Variants in SPSB4 observed in about 807,000 individuals in gnomAD.
SPSB4 encodes the protein SPRY domain-containing SOCS box protein 4.
In SPSB4, 21 loss-of-function variants were observed where a neutral mutation model predicts 20.9. The ratio of observed to expected loss-of-function variants is 1.01; its 90% CI spans 0.71 to 1.45. The LOEUF (loss-of-function observed/expected upper bound fraction) is 1.45, where lower values mean the gene tolerates loss of function less well. SPSB4 is among the 40% of genes most tolerant of loss of function. The pLI is 0.00. For missense variants in SPSB4, 399 were observed against 399.2 expected (o/e 1.00, Z 0.00); for synonymous variants, 207 against 183.8 (o/e 1.13, Z -1.02).
intron 2 of SPSB4, among the ~76,000 whole-genome samples, chr3:141,146,666 A>T (rs1007197047): frequency 2.0e-5 from 3 of 151,394 alleles, no homozygotes; most frequent in Non-Finnish European, 4.4e-5. Flanking sequence ...CCCAGCTACT[A>T]GGGAGGCTGA....
intron 2 of SPSB4, among the ~76,000 whole-genome samples, chr3:141,072,996 G>A (rs147579257): frequency 7.2e-5 from 11 of 152,224 alleles, no homozygotes; most frequent in African/African-American, 2.4e-4. Context: ...CTTAGCAGTC[G>A]CATGGGTCCA....
intron 2 of SPSB4, among the ~76,000 whole-genome samples, chr3:141,104,921 C>G (rs960661318): frequency 6.6e-6 from 1 of 152,132 alleles, no homozygotes; most frequent in Non-Finnish European, 1.5e-5. Flanking sequence ...GCCTGTCAGC[C>G]TGAGGGGTAG....
chr3:141,146,792 AC>A (rs1272502397), intron 2 of SPSB4, among the ~76,000 whole-genome samples: 4 of 151,294 alleles, frequency 2.6e-5, no homozygotes, highest in Non-Finnish European at 5.9e-5. Flanking sequence ...AAAAAAAGAC[AC>A]GCTGAACACC....
Position 141,066,097 on chromosome 3 carries a change from A to G in SPSB4, c.-8A>G. 1 of 1,513,584 alleles carries G rather than the reference A, an allele frequency of 6.6e-7. No homozygotes were observed. Among genetic ancestry groups the G allele is most frequent in the African/African-American group, 1.4e-5 (1 of 69,358 alleles). 93.8% of individuals were successfully genotyped at this position (1,513,584 alleles called of 1,614,324 possible). On this transcript the variant is annotated 5_prime_UTR_variant, in exon 2 of 3. Coordinates refer to ENST00000310546, the MANE Select transcript of SPSB4 (RefSeq NM_080862.3). Reference sequence around the variant, plus strand: ...TGGCCTGCAGCGGCCTCCTCCCCGCAGTGAAGCATGGGCCAGAAGCTCTCG... The same window carrying G: ...TGGCCTGCAGCGGCCTCCTCCCCGCGGTGAAGCATGGGCCAGAAGCTCTCG...
intron 2 of SPSB4, among the ~76,000 whole-genome samples, chr3:141,103,365 G>C (rs1938642080): frequency 6.6e-6 from 1 of 152,272 alleles, no homozygotes; most frequent in Admixed American, 6.5e-5. Context: ...CCACGACAGG[G>C]AGCAAAGAGC....
intron 2 of SPSB4, among the ~76,000 whole-genome samples, chr3:141,076,382 G>A (rs1316760374): frequency 1.3e-5 from 2 of 152,212 alleles, no homozygotes; most frequent in Non-Finnish European, 2.9e-5. Flanking sequence ...CAGTGTACAC[G>A]AGTAAATCCA....
At chr3:141,095,588 G>A (rs78964256) in intron 2 of SPSB4, among the ~76,000 whole-genome samples, 2 of 152,156 alleles carry the variant, frequency 1.3e-5, no homozygotes, top group Admixed American at 6.5e-5. Context: ...TTTTCTCTGT[G>A]AGAAGGATGG....
chr3:141,116,594 G>A (rs903899502), intron 2 of SPSB4, among the ~76,000 whole-genome samples: 1 of 152,190 alleles, frequency 6.6e-6, no homozygotes, highest in Non-Finnish European at 1.5e-5. Context: ...GTGACCTTGA[G>A]CAAGTGCCTA....
chr3:141,061,232 G>T (rs1937753802), intron 1 of SPSB4, among the ~76,000 whole-genome samples: 1 of 151,746 alleles, frequency 6.6e-6, no homozygotes, highest in Non-Finnish European at 1.5e-5. Flanking sequence ...CTAAATAAAG[G>T]CCCATTATAC....
intron 2 of SPSB4, among the ~76,000 whole-genome samples, chr3:141,143,401 C>A (rs991054774): frequency 1.3e-5 from 2 of 152,214 alleles, no homozygotes; most frequent in African/African-American, 4.8e-5. Flanking sequence ...TGGGTCTAAC[C>A]ATGCAGTGGG....
At chr3:141,054,882 A>G (rs1937610689) in intron 1 of SPSB4, among the ~76,000 whole-genome samples, 2 of 151,998 alleles carry the variant, frequency 1.3e-5, no homozygotes, top group South Asian at 2.1e-4. Flanking sequence ...GGAGAATGGC[A>G]TGAACCTGGG....
At chr3:141,106,332 C>A (rs561924433) in intron 2 of SPSB4, among the ~76,000 whole-genome samples, 1 of 152,136 alleles carries the variant, frequency 6.6e-6, no homozygotes, top group Non-Finnish European at 1.5e-5. Flanking sequence ...ATGAAGGCAG[C>A]ACCTCCTCCT....
intron 2 of SPSB4, among the ~76,000 whole-genome samples, chr3:141,139,150 A>T (rs1475350521): frequency 6.6e-6 from 1 of 152,076 alleles, no homozygotes; most frequent in Admixed American, 6.5e-5. Flanking sequence ...AGAGACTAGG[A>T]TTGCAACCCC....
intron 2 of SPSB4, among the ~76,000 whole-genome samples, chr3:141,076,266 T>A (rs1938108215): frequency 6.6e-6 from 1 of 152,220 alleles, no homozygotes; most frequent in Non-Finnish European, 1.5e-5. Flanking sequence ...AAGGCAGCTA[T>A]GCCTTCTGCA....
chr3:141,126,104 T>C (rs1939046724), intron 2 of SPSB4, among the ~76,000 whole-genome samples: 1 of 151,976 alleles, frequency 6.6e-6, no homozygotes, highest in South Asian at 2.1e-4. Flanking sequence ...CACAAGAGAG[T>C]GAGCCCCAGC....
Position 141,147,348 on chromosome 3 carries a change from A to G in SPSB4, c.*79A>G, listed in dbSNP as rs1250575891. ...CCTGTCATTCACAGTCCCATGGCAC[A>G]TAGGGGAAAGGATCTACCCTTCTCC... On this transcript the variant is annotated 3_prime_UTR_variant, in exon 3 of 3. Transcript: ENST00000310546. 1.3e-6 allele frequency: 2 copies of G among 1,589,690 alleles called. No homozygotes were observed. Among genetic ancestry groups the G allele is most frequent in the Admixed American group, 3.4e-5 (2 of 59,222 alleles).
chr3:141,083,265 A>T (rs941085560), intron 2 of SPSB4, among the ~76,000 whole-genome samples: 2 of 152,158 alleles, frequency 1.3e-5, no homozygotes, highest in East Asian at 1.9e-4. Context: ...TGCCACGTGC[A>T]TGGCTTCCCC....
At chr3:141,110,771 T>G (rs969078082) in intron 2 of SPSB4, among the ~76,000 whole-genome samples, 4 of 152,218 alleles carry the variant, frequency 2.6e-5, no homozygotes, top group African/African-American at 4.8e-5. Flanking sequence ...TTAGCAAGTC[T>G]TATGGCCACA....
chr3:141,124,123 T>C (rs1037731603), intron 2 of SPSB4: 2 of 152,276 alleles, frequency 1.3e-5, no homozygotes, highest in Admixed American at 6.5e-5. Context: ...AGATGCAGGC[T>C]CATTTCAGCT....
Sources: gnomAD v4.1 joint callset for allele counts (sites outside exome capture counted in the v4.1 genomes callset) on GRCh38, gnomAD v4.1.1 for gene constraint, MANE v1.5 for transcripts, NCBI Gene and HGNC (gene_info 2026-07-23, HGNC 2026-07-21) for gene names.